OSBPL3: variants seen among roughly 807,000 people sequenced by gnomAD.
OSBPL3 encodes oxysterol binding protein like 3, also known as oxysterol-binding protein-related protein 3.
In OSBPL3, 65 loss-of-function variants were observed where a neutral mutation model predicts 120.1. The ratio of observed to expected loss-of-function variants is 0.54; its 90% CI spans 0.44 to 0.67. The LOEUF (loss-of-function observed/expected upper bound fraction) is 0.67. Ranked by LOEUF, OSBPL3 falls within the 30% of genes least tolerant of loss-of-function variation. The pLI is 0.00. For synonymous variants in OSBPL3, 416 were observed against 402.6 expected, an observed-to-expected ratio of 1.03 and a Z score of -0.40; for missense variants, 1,004 against 1,082.1, an observed-to-expected ratio of 0.93 and a Z score of 1.01.
rs116945087 is a variant in OSBPL3 at position 24,812,001 on chromosome 7, A to G, written c.2173-2050T>C. 3.8e-3 allele frequency among the ~76,000 whole-genome samples: 580 copies of G among 152,290 alleles called. 4 individuals carry two copies. The highest frequency in any genetic ancestry group is 7.6e-3 in the Admixed American group (116 of 15,292). Reference sequence around the variant, plus strand: ...TTGTATTTCTACCTTTGCTACATACAATGTAAGAGAAGGCTCAGTTCTTGG... The same window carrying G: ...TTGTATTTCTACCTTTGCTACATACGATGTAAGAGAAGGCTCAGTTCTTGG... On this transcript the variant is annotated intron_variant, in intron 19 of 22. Transcript: ENST00000313367.
At chr7:24,869,929 T>TACTTTCTTAGTTAGTA (rs1475196368) in intron 5 of OSBPL3, among the ~76,000 whole-genome samples, 2 of 152,132 alleles carry the variant, frequency 1.3e-5, no homozygotes, top group Non-Finnish European at 2.9e-5. Flanking sequence ...AAGAAAACAG[T>TACTTTCTTAGTTAGTA]CTTAGTACTT....
At chr7:24,976,956 TC>T (rs544685746) in intron 1 of OSBPL3, among the ~76,000 whole-genome samples, 241 of 152,258 alleles carry the variant, frequency 1.6e-3, no homozygotes, top group African/African-American at 5.6e-3. Flanking sequence ...ATGCCACTCT[TC>T]CCCAACTTCT....
chr7:24,977,505 A>T (rs779046355), intron 1 of OSBPL3, among the ~76,000 whole-genome samples: 2 of 152,230 alleles, frequency 1.3e-5, no homozygotes, highest in Non-Finnish European at 2.9e-5. Context: ...CTCGTTTTCC[A>T]ATTCTTCACC....
Position 24,972,448 on chromosome 7 carries a change from G to A in OSBPL3, c.-150+7438C>T, listed in dbSNP as rs1246040562. Among the ~76,000 whole-genome samples, 2 of 152,082 alleles carry A rather than the reference G, an allele frequency of 1.3e-5. No individual in the cohort carries two copies. The highest frequency in any genetic ancestry group is 2.9e-5 in the Non-Finnish European group (2 of 68,016). On this transcript the variant is annotated intron_variant, in intron 1 of 22. Coordinates refer to ENST00000313367, the MANE Select transcript of OSBPL3 (RefSeq NM_015550.4). This position sits in a 1 kb window ranked among gnomAD's most constrained non-coding sequence, Gnocchi z 4.3. ...ATTAAAAGCCAGACTCATTCCCTTT[G>A]AGCCACATCTCCCCACTGTAATTAA...
At position 24,940,356 on chromosome 7, in the gene OSBPL3, G is replaced by A. The variant is rs1285143091; in HGVS notation, c.-150+39530C>T. Among the ~76,000 whole-genome samples, 1 of 152,118 alleles carries A rather than the reference G, an allele frequency of 6.6e-6. No individual in the cohort carries two copies. The highest frequency in any genetic ancestry group is 1.5e-5 in the Non-Finnish European group (1 of 68,018). ...AAATGAATCCTATAGAAGATCAGGA[G>A]GTGTAGAAATTACTGGTACCAATGA... On this transcript the variant is annotated intron_variant, in intron 1 of 22. Transcript: ENST00000313367. The surrounding 1 kb of genome is among the most constrained non-coding windows in gnomAD (Gnocchi z 4.4).
intron 13 of OSBPL3, among the ~76,000 whole-genome samples, chr7:24,841,468 G>A (rs796558704): frequency 2.0e-5 from 3 of 151,506 alleles, no homozygotes; most frequent in Admixed American, 6.6e-5. Context: ...AGGCTGAGGC[G>A]GATGGATCAC....
In OSBPL3 at chr7:24,849,025, G is replaced by A. The variant is rs369283104; in HGVS notation, c.1266+44C>T. 20 of 1,346,664 alleles carry A rather than the reference G, an allele frequency of 1.5e-5. No individual in the cohort carries two copies. Among genetic ancestry groups the A allele is most frequent in the East Asian group, 4.6e-5 (2 of 43,416 alleles). 83.4% of individuals were successfully genotyped at this position (1,346,664 alleles called of 1,614,324 possible). On this transcript the variant is annotated intron_variant, in intron 12 of 22. Coordinates refer to ENST00000313367, the MANE Select transcript of OSBPL3 (RefSeq NM_015550.4). The surrounding 1 kb of genome is among the most constrained non-coding windows in gnomAD (Gnocchi z 5.4). ...ATGGGACAGATGGTATCACGGGAGC[G>A]GGCGGCAGCTGGGGAGACATTACCA...
At chr7:24,897,474 C>T (rs929439745) in intron 1 of OSBPL3, among the ~76,000 whole-genome samples, 1 of 151,384 alleles carries the variant, frequency 6.6e-6, no homozygotes, top group Admixed American at 6.6e-5. Flanking sequence ...TACAGGCGCC[C>T]GCTACCACGC....
chr7:24,887,987 A>C (rs1804783422), intron 2 of OSBPL3, among the ~76,000 whole-genome samples: 2 of 152,248 alleles, frequency 1.3e-5, no homozygotes, highest in African/African-American at 4.8e-5. Context: ...CCCAATTATT[A>C]AACATTCTAT....
intron 5 of OSBPL3, among the ~76,000 whole-genome samples, chr7:24,866,925 C>A (rs796259919): frequency 1.3e-4 from 20 of 152,130 alleles, no homozygotes; most frequent in African/African-American, 4.8e-4. Flanking sequence ...CTCAACCTCC[C>A]GAGTAGCTGG....
chr7:24,830,542 T>A lies in OSBPL3; in HGVS notation c.1884+226A>T, dbSNP rs897174006. Among the ~76,000 whole-genome samples the A allele has an allele frequency of 2.6e-5, 4 of 152,098 alleles. No homozygotes were observed. The highest frequency in any genetic ancestry group is 5.9e-5 in the Non-Finnish European group (4 of 68,034). On this transcript the variant is annotated intron_variant, in intron 16 of 22. Transcript: ENST00000313367. This position sits in a 1 kb window ranked among gnomAD's most constrained non-coding sequence, Gnocchi z 4.4. ...AAAGAGAAAGGACACCGGCAATGCATGTAGCCAAGCAAGTGTGCAGAATTA... is the reference window on the plus strand; with the variant it reads ...AAAGAGAAAGGACACCGGCAATGCAAGTAGCCAAGCAAGTGTGCAGAATTA...
At chr7:24,942,797 C>G (rs534511019) in intron 1 of OSBPL3, among the ~76,000 whole-genome samples, 2 of 152,308 alleles carry the variant, frequency 1.3e-5, no homozygotes, top group East Asian at 1.9e-4. Flanking sequence ...GTATGAACAT[C>G]CCTATTAAGT....
In OSBPL3 at chr7:24,819,739, C is replaced by A. The variant is rs1011131530; in HGVS notation, c.1948+436G>T. On this transcript the variant is annotated intron_variant, in intron 17 of 22. Transcript: ENST00000313367. This position sits in a 1 kb window ranked among gnomAD's most constrained non-coding sequence, Gnocchi z 4.1. ...GGAAATATCTATAGCCTTATTTATT[C>A]TTTAGAAGATTTACCCACCCAACCC... Among the ~76,000 whole-genome samples the A allele has an allele frequency of 1.3e-5, 2 of 151,978 alleles. No homozygotes were observed. Among genetic ancestry groups the A allele is most frequent in the African/African-American group, 4.8e-5 (2 of 41,352 alleles).
rs367681983 is a variant in OSBPL3 at position 24,804,189 on chromosome 7, G to T, written c.2567+126C>A. The T allele has an allele frequency of 1.0e-4, 113 of 1,126,304 alleles. No individual in the cohort carries two copies. The East Asian group carries it at 2.0e-3, about 20-fold the overall frequency. 69.8% of individuals were successfully genotyped at this position (1,126,304 alleles called of 1,614,324 possible). ...TGGCACAGAGGAGCAGTACCCCCAC[G>T]TGGAAGCAGGAAAAGCCTGGAGAAT... On this transcript the variant is annotated intron_variant, in intron 22 of 22. Coordinates refer to ENST00000313367, the MANE Select transcript of OSBPL3 (RefSeq NM_015550.4). This position sits in a 1 kb window ranked among gnomAD's most constrained non-coding sequence, Gnocchi z 5.4.
In OSBPL3 at chr7:24,959,610, G is replaced by A. The variant is rs1352544535; in HGVS notation, c.-150+20276C>T. Among the ~76,000 whole-genome samples the A allele has an allele frequency of 6.6e-6, 1 of 152,128 alleles. No individual in the cohort carries two copies. Among genetic ancestry groups the A allele is most frequent in the South Asian group, 2.1e-4 (1 of 4,824 alleles). ...TCTTGTTCTGGACGCTGGTTACACA[G>A]GTTATTTATCTTCTGAAAACTCATT... On this transcript the variant is annotated intron_variant, in intron 1 of 22. Coordinates refer to ENST00000313367, the MANE Select transcript of OSBPL3 (RefSeq NM_015550.4). The surrounding 1 kb of genome is among the most constrained non-coding windows in gnomAD (Gnocchi z 4.3).
intron 14 of OSBPL3, among the ~76,000 whole-genome samples, chr7:24,836,560 A>G (rs1394556728): frequency 6.6e-6 from 1 of 152,130 alleles, no homozygotes; most frequent in African/African-American, 2.4e-5. Flanking sequence ...CAATCTATCA[A>G]TCTTTTCCTT....
chr7:24,935,140 AATGAT>A (rs1450634722), intron 1 of OSBPL3, among the ~76,000 whole-genome samples: 1 of 152,204 alleles, frequency 6.6e-6, no homozygotes, highest in African/African-American at 2.4e-5. Context: ...CATCCATTAA[AATGAT>A]AAAACAGGCA....
rs983698098 is a variant in OSBPL3, at chr7:24,804,551, G to T, written c.2445-114C>A. 4 of 911,422 alleles carry T rather than the reference G, an allele frequency of 4.4e-6. No homozygotes were observed. Among genetic ancestry groups the T allele is most frequent in the Non-Finnish European group, 6.7e-6 (4 of 599,990 alleles). 56.5% of individuals were successfully genotyped at this position (911,422 alleles called of 1,614,324 possible). On this transcript the variant is annotated intron_variant, in intron 21 of 22. Transcript: ENST00000313367. This position sits in a 1 kb window ranked among gnomAD's most constrained non-coding sequence, Gnocchi z 5.4. The stretch of plus-strand genomic sequence containing the variant: ...GGATATTCAAAATCCTCTCCTATAC[G>T]TAAGACCCCGCCCCAACCGTTTAAT...
chr7:24,960,048 A>G (rs1815543557), intron 1 of OSBPL3, among the ~76,000 whole-genome samples: 1 of 152,246 alleles, frequency 6.6e-6, no homozygotes, highest in Non-Finnish European at 1.5e-5. Context: ...TTACTCTTAA[A>G]TGAACCTTCT....
Sources: allele counts gnomAD v4.1 joint callset (sites outside exome capture counted in the v4.1 genomes callset), GRCh38; gene constraint gnomAD v4.1.1; non-coding constraint Gnocchi (gnomAD v3.1); transcripts MANE v1.5; gene names NCBI Gene and HGNC (gene_info 2026-07-23, HGNC 2026-07-21).